Variants in IMPDH1 observed in about 807,000 individuals in gnomAD.
IMPDH1 encodes the protein inosine-5'-monophosphate dehydrogenase 1.
IMPDH1 carries 41 observed loss-of-function variants against 73.5 expected under a neutral mutation model. The ratio of observed to expected loss-of-function variants is 0.56; its 90% CI spans 0.43 to 0.72. IMPDH1 has a LOEUF of 0.72. Among genes scored for constraint, IMPDH1 ranks in the 30% least tolerant of loss-of-function variants. The probability of loss-of-function intolerance (pLI) is 0.00; values close to 1 mark genes in which losing one functional copy is unlikely to be tolerated. For missense variants in IMPDH1, 645 were observed against 824.8 expected, an observed-to-expected ratio of 0.78 and a Z score of 2.67; for synonymous variants, 318 against 334.3, an observed-to-expected ratio of 0.95 and a Z score of 0.53.
At position 128,395,178 on chromosome 7, in the gene IMPDH1, T is replaced by A. The variant is rs750621898; in HGVS notation, c.1358A>T (p.Gln453Leu). Residue 453 changes from glutamine (Q) to leucine (L), a missense_variant, in exon 13 of 17, where the codon CAG (glutamine) becomes CTG (leucine). Coordinates refer to ENST00000338791, the MANE Select transcript of IMPDH1 (RefSeq NM_000883.4). Reference sequence around the variant, plus strand: ...GGCCTTGACCACGTGTCCCACGGTCTGGATGCCGCCATCGGCTATGATGGG... The same window carrying A: ...GGCCTTGACCACGTGTCCCACGGTCAGGATGCCGCCATCGGCTATGATGGG... ...GVPIIADGGI[Q>L]TVGHVVKALA... 1 of 1,614,060 alleles carries A rather than the reference T, an allele frequency of 6.2e-7. No homozygotes were observed. Among genetic ancestry groups the A allele is most frequent in the Non-Finnish European group, 8.5e-7 (1 of 1,180,048 alleles).
chr7:128,393,314 G>A (rs1225974349), intron 16 of IMPDH1, among the ~76,000 whole-genome samples: 2 of 152,232 alleles, frequency 1.3e-5, no homozygotes, highest in Non-Finnish European at 2.9e-5. Context: ...TGGAGGGACA[G>A]CTCAGGCAGG....
chr7:128,402,777 C>T (rs1798430104), intron 5 of IMPDH1, among the ~76,000 whole-genome samples: 1 of 152,102 alleles, frequency 6.6e-6, no homozygotes, highest in African/African-American at 2.4e-5. Context: ...ATGACTTACA[C>T]CATCATCACT....
At position 128,406,026 on chromosome 7, in the gene IMPDH1, G is replaced by A. The variant is rs866291571; in HGVS notation, c.255-161C>T. ...CGGGGGCTGCGGCAGCGGCAGGGCG[G>A]GCCAGGGCGCCGCCCTGTCCTCCCG... On this transcript the variant is annotated intron_variant, in intron 3 of 16. Coordinates refer to ENST00000338791, the MANE Select transcript of IMPDH1 (RefSeq NM_000883.4). 573 of 317,904 alleles carry A rather than the reference G, an allele frequency of 1.8e-3. 4 individuals carry two copies. Among genetic ancestry groups the A allele is most frequent in the African/African-American group, 0.012 (550 of 44,054 alleles). The allele number at this position is 317,904 out of a possible 1,614,324, so 19.7% of individuals were successfully genotyped here.
At chr7:128,397,111 C>T in intron 10 of IMPDH1, 89 bp from the exon 11 acceptor site, 1 of 859,492 alleles carries the variant, frequency 1.2e-6, no homozygotes, top group South Asian at 1.3e-5. Flanking sequence ...CCCCTCAAAT[C>T]CTATGAAAAC....
Position 128,400,814 on chromosome 7 carries a change from T to C in IMPDH1, c.579+3A>G, listed in dbSNP as rs372943232. The C allele has an allele frequency of 1.4e-5, 22 of 1,613,800 alleles. No individual in the cohort carries two copies. The highest frequency in any genetic ancestry group is 1.7e-5 in the Non-Finnish European group (20 of 1,179,826). ...TCTTGCTGGGGACAGGCCTGGTACT[T>C]GCCTTGACCTTCCGCACCTCGTTGG... On this transcript the variant is annotated splice_donor_region_variant and intron_variant, in intron 7 of 16. Coordinates refer to ENST00000338791, the MANE Select transcript of IMPDH1 (RefSeq NM_000883.4).
rs771566805 is a variant in IMPDH1 at position 128,394,275 on chromosome 7, T to C, written c.1778+3A>G. ...GTGACAGCAAGGAGGCCACCACACTTACGAGTGCAGGCCATGGACACCACC... is the reference window on the plus strand; with the variant it reads ...GTGACAGCAAGGAGGCCACCACACTCACGAGTGCAGGCCATGGACACCACC... On this transcript the variant is annotated splice_donor_region_variant and intron_variant, in intron 16 of 16. Coordinates refer to ENST00000338791, the MANE Select transcript of IMPDH1 (RefSeq NM_000883.4). The surrounding 1 kb of genome is among the most constrained non-coding windows in gnomAD (Gnocchi z 5.5). The C allele has an allele frequency of 1.9e-6, 3 of 1,613,192 alleles. No individual in the cohort carries two copies. Among genetic ancestry groups the C allele is most frequent in the Middle Eastern group, 1.7e-4 (1 of 6,034 alleles).
In IMPDH1 at chr7:128,394,662, T is replaced by C. The variant is rs1206123788; in HGVS notation, c.1551-63A>G. On this transcript the variant is annotated intron_variant, in intron 14 of 16. Transcript: ENST00000338791. The surrounding 1 kb of genome is among the most constrained non-coding windows in gnomAD (Gnocchi z 5.5). ...AGCTCAGAGGACCCCACCCCACCTC[T>C]TAAGGGCAAAAACGGGATACCGCCC... is the stretch of plus-strand genomic sequence containing the variant. 1 of 1,598,704 alleles carries C rather than the reference T, an allele frequency of 6.3e-7. No individual in the cohort carries two copies. The highest frequency in any genetic ancestry group is 2.2e-5 in the East Asian group (1 of 44,820).
At chr7:128,393,071 G>A in intron 16 of IMPDH1, 43 bp from the exon 17 acceptor site, 1 of 1,610,570 alleles carries the variant, frequency 6.2e-7, no homozygotes, top group Non-Finnish European at 8.5e-7. Flanking sequence ...TGGGTGTGTG[G>A]ACCCTGCTCC....
intron 16 of IMPDH1, among the ~76,000 whole-genome samples, chr7:128,393,563 TA>T (rs1051303823): frequency 1.3e-5 from 2 of 152,034 alleles, no homozygotes; most frequent in African/African-American, 4.8e-5. Context: ...GTGTTGGAGT[TA>T]GGGGGCCGGG....
intron 7 of IMPDH1, 33 bp from the exon 8 acceptor site, chr7:128,400,572 A>G: frequency 6.3e-7 from 1 of 1,592,314 alleles, no homozygotes; most frequent in Non-Finnish European, 8.6e-7. Context: ...AAAAGGCTGG[A>G]AGAAAGCCAG....
chr7:128,409,646 G>T, intron 1 of IMPDH1, 110 bp downstream of exon 1: 1 of 1,512,670 alleles, frequency 6.6e-7, no homozygotes, highest in East Asian at 2.4e-5. Context: ...TAGGGGAAGG[G>T]TTTGTGGGGC....
rs1393352415 is a variant in IMPDH1 at position 128,398,421 on chromosome 7, A to G, written c.1067T>C (p.Ile356Thr). The change falls in exon 10 of 17, where the codon ATA becomes ACA. Residue 356 changes from isoleucine to threonine, a missense_variant. This residue lies in a region of IMPDH1 where 459 missense variants were observed against 638.2 expected (regional missense o/e 0.72). Transcript: ENST00000338791. The surrounding 1 kb of genome is among the most constrained non-coding windows in gnomAD (Gnocchi z 4.3). ...DLLTQAGVDVIVLDSSQGNSV... is the reference protein window; with the variant it reads ...DLLTQAGVDVTVLDSSQGNSV... ...CTCAGGCGGGGGCCTTACCAAGACTATGACGTCGACGCCCGCCTGGGTGAG... is the reference window on the plus strand; with the variant it reads ...CTCAGGCGGGGGCCTTACCAAGACTGTGACGTCGACGCCCGCCTGGGTGAG... The G allele has an allele frequency of 1.9e-6, 3 of 1,612,844 alleles. No homozygotes were observed. In the African/African-American group the frequency reaches 4.0e-5, roughly 22 times the overall value.
Position 128,398,658 on chromosome 7 carries a change from G to T in IMPDH1, c.875-45C>A. The stretch of plus-strand genomic sequence containing the variant: ...TGAAATGAAGCAGGCTTGGTGGGGA[G>T]AAGTTTGGGAGATGTTTAGGAGGGT... On this transcript the variant is annotated intron_variant, in intron 9 of 16. Coordinates refer to ENST00000338791, the MANE Select transcript of IMPDH1 (RefSeq NM_000883.4). This position sits in a 1 kb window ranked among gnomAD's most constrained non-coding sequence, Gnocchi z 4.3. 1 of 1,508,704 alleles carries T rather than the reference G, an allele frequency of 6.6e-7. No homozygotes were observed. Among genetic ancestry groups the T allele is most frequent in the Non-Finnish European group, 9.2e-7 (1 of 1,087,112 alleles). The allele number at this position is 1,508,704 out of a possible 1,614,324, so 93.5% of individuals were successfully genotyped here. A position where few individuals can be genotyped will look rare whatever the true frequency, so the allele number is the denominator to read the frequency against.
At position 128,392,398 on chromosome 7, in the gene IMPDH1, T is replaced by C; in HGVS notation, c.*609A>G. ...GCAGCTGAGGAGAAGGGAGGAATGG[T>C]TCACCTGGGGACGGTGGTGAGTCAG... On this transcript the variant is annotated 3_prime_UTR_variant, in exon 17 of 17. Coordinates refer to ENST00000338791, the MANE Select transcript of IMPDH1 (RefSeq NM_000883.4). 1 of 154,792 alleles carries C rather than the reference T, an allele frequency of 6.5e-6. No individual in the cohort carries two copies. 9.6% of individuals were successfully genotyped at this position (154,792 alleles called of 1,614,324 possible). A position where few individuals can be genotyped will look rare whatever the true frequency, so the allele number is the denominator to read the frequency against.
At chr7:128,402,381 G>C (rs1362394392) in intron 5 of IMPDH1, among the ~76,000 whole-genome samples, 1 of 152,182 alleles carries the variant, frequency 6.6e-6, no homozygotes, top group Non-Finnish European at 1.5e-5. Flanking sequence ...GGGATTACAG[G>C]CATGAGCCAC....
intron 3 of IMPDH1, among the ~76,000 whole-genome samples, chr7:128,409,059 G>A (rs533895892): frequency 2.3e-4 from 35 of 152,338 alleles, no homozygotes; most frequent in African/African-American, 7.7e-4. Flanking sequence ...TGGACCGGAA[G>A]GACAGTGGGA....
chr7:128,394,300 C>A lies in IMPDH1; in HGVS notation c.1756G>T (p.Gly586Cys), dbSNP rs1797748740. 1 of 1,613,950 alleles carries A rather than the reference C, an allele frequency of 6.2e-7. No homozygotes were observed. Among genetic ancestry groups the A allele is most frequent in the South Asian group, 1.1e-5 (1 of 91,086 alleles). ...TACGAGTGCAGGCCATGGACACCAC[C>A]CTCAATCTGGGCCGACATGGTCCGC... ...EKRTMSAQIE[G>C]GVHGLHSYEK... Residue 586 changes from glycine (G) to cysteine (C), a missense_variant, in exon 16 of 17, where the codon GGT becomes TGT. Physicochemically the swap from Gly to Cys is radical, Grantham distance 159. This residue lies in a region of IMPDH1 where 459 missense variants were observed against 638.2 expected (regional missense o/e 0.72). Coordinates refer to ENST00000338791, the MANE Select transcript of IMPDH1 (RefSeq NM_000883.4). The surrounding 1 kb of genome is among the most constrained non-coding windows in gnomAD (Gnocchi z 5.5).
Position 128,398,701 on chromosome 7 carries a change from A to C in IMPDH1, c.875-88T>G, listed in dbSNP as rs1798104215. ...AGGAGGGTGAAGATGAAAGTGGACC[A>C]CTCCAGAGATTCCACTGAAGTACCC... On this transcript the variant is annotated intron_variant, in intron 9 of 16. Coordinates refer to ENST00000338791, the MANE Select transcript of IMPDH1 (RefSeq NM_000883.4). The surrounding 1 kb of genome is among the most constrained non-coding windows in gnomAD (Gnocchi z 4.3). 2 of 1,077,952 alleles carry C rather than the reference A, an allele frequency of 1.9e-6. No homozygotes were observed. The highest frequency in any genetic ancestry group is 2.5e-5 in the South Asian group (2 of 79,486). 66.8% of individuals were successfully genotyped at this position (1,077,952 alleles called of 1,614,324 possible). A position where few individuals can be genotyped will look rare whatever the true frequency, so the allele number is the denominator to read the frequency against.
At position 128,394,186 on chromosome 7, in the gene IMPDH1, G is replaced by A. The variant is rs930251884; in HGVS notation, c.1778+92C>T. On this transcript the variant is annotated intron_variant, in intron 16 of 16. Coordinates refer to ENST00000338791, the MANE Select transcript of IMPDH1 (RefSeq NM_000883.4). The surrounding 1 kb of genome is among the most constrained non-coding windows in gnomAD (Gnocchi z 5.5). ...TGTCCCTGCTGCAGGTGGTCCATGG[G>A]GTCCCTGGAACCTCAGCTTGACCTC... 4.9e-6 allele frequency: 5 copies of A among 1,016,366 alleles called. No individual in the cohort carries two copies. In the Admixed American group the frequency reaches 8.7e-5, roughly 18 times the overall value. The allele number at this position is 1,016,366 out of a possible 1,614,324, so 63.0% of individuals were successfully genotyped here.
Sources: allele counts gnomAD v4.1 joint callset (sites outside exome capture counted in the v4.1 genomes callset), GRCh38; gene constraint gnomAD v4.1.1; regional missense constraint gnomAD v4.1.1; non-coding constraint Gnocchi (gnomAD v3.1); transcripts MANE v1.5; gene names NCBI Gene and HGNC (gene_info 2026-07-23, HGNC 2026-07-21).